DIAPH2: variants seen among roughly 807,000 people sequenced by gnomAD.
DIAPH2 encodes protein diaphanous homolog 2.
In DIAPH2, 35 loss-of-function variants were observed where a neutral mutation model predicts 92.7. The observed-to-expected ratio is 0.38, with a 90% CI of 0.29 to 0.50. The LOEUF (loss-of-function observed/expected upper bound fraction) is 0.50. Ranked by LOEUF, DIAPH2 falls within the 20% of genes least tolerant of loss-of-function variation. The pLI is 0.94. For synonymous variants in DIAPH2, 301 were observed against 280.4 expected, an observed-to-expected ratio of 1.07 and a Z score of -0.73; for missense variants, 701 against 819.5, an observed-to-expected ratio of 0.86 and a Z score of 1.77.
intron 22 of DIAPH2, among the ~76,000 whole-genome samples, chrX:97,193,783 A>G (rs2067675552): frequency 2.7e-5 from 3 of 112,230 alleles, no homozygotes; most frequent in Non-Finnish European, 5.6e-5. Context: ...TCAAGGAACT[A>G]CCTACTCACT....
At chrX:97,543,517 T>G (rs190591817) in intron 26 of DIAPH2, among the ~76,000 whole-genome samples, 13 of 111,082 alleles carry the variant, frequency 1.2e-4, no homozygotes, top group South Asian at 7.7e-4. Flanking sequence ...TTTTTTCTTT[T>G]TTTGAGACAG....
chrX:97,052,349 C>G (rs2066526098), intron 17 of DIAPH2, among the ~76,000 whole-genome samples: 1 of 110,524 alleles, frequency 9.0e-6, no homozygotes. Flanking sequence ...TATTCCCAGG[C>G]AATAGTAGGT....
chrX:97,436,687 C>T (rs1406088725), intron 26 of DIAPH2, among the ~76,000 whole-genome samples: 2 of 111,872 alleles, frequency 1.8e-5, no homozygotes, highest in African/African-American at 6.5e-5. Flanking sequence ...CATACACATT[C>T]AGCACCTCAT....
At chrX:96,751,257 G>T (rs1281479151) in intron 3 of DIAPH2, among the ~76,000 whole-genome samples, 5 of 111,081 alleles carry the variant, frequency 4.5e-5, no homozygotes, top group Non-Finnish European at 9.4e-5. Context: ...ATAAAAAAAT[G>T]GTTTAGTATT....
intron 17 of DIAPH2, among the ~76,000 whole-genome samples, chrX:97,035,320 C>G (rs781599265): frequency 6.0e-4 from 67 of 112,051 alleles, no homozygotes; most frequent in African/African-American, 2.2e-3. Flanking sequence ...AAGAGAAATT[C>G]AGGAGTTATG....
At chrX:97,479,634 G>T (rs1052207397) in intron 26 of DIAPH2, among the ~76,000 whole-genome samples, 6 of 112,022 alleles carry the variant, frequency 5.4e-5, no homozygotes, top group Admixed American at 2.8e-4. Flanking sequence ...GGCCTCAAAG[G>T]CCTCATCTAT....
At chrX:97,471,208 G>A (rs1392581955) in intron 26 of DIAPH2, among the ~76,000 whole-genome samples, 1 of 110,919 alleles carries the variant, frequency 9.0e-6, no homozygotes, top group African/African-American at 3.3e-5. Flanking sequence ...AGGTTCAACA[G>A]GTGCCTTCTA....
At chrX:97,227,524 C>T (rs1254190964) in intron 22 of DIAPH2, among the ~76,000 whole-genome samples, 2 of 111,727 alleles carry the variant, frequency 1.8e-5, no homozygotes, top group African/African-American at 6.5e-5. Flanking sequence ...CCTTCAAGGA[C>T]GTGACAGAAA....
intron 26 of DIAPH2, among the ~76,000 whole-genome samples, chrX:97,434,400 G>A (rs1439884640): frequency 9.4e-6 from 1 of 106,336 alleles, no homozygotes; most frequent in Non-Finnish European, 1.9e-5. Flanking sequence ...AGACATTTGG[G>A]TTACTAAACT....
intron 26 of DIAPH2, among the ~76,000 whole-genome samples, chrX:97,465,507 G>T (rs1002009950): frequency 2.7e-5 from 3 of 111,681 alleles, no homozygotes; most frequent in Non-Finnish European, 5.6e-5. Context: ...AAGTTGTCAA[G>T]AGATGATTTT....
At chrX:97,282,774 A>G (rs2068509594) in intron 23 of DIAPH2, among the ~76,000 whole-genome samples, 1 of 111,940 alleles carries the variant, frequency 8.9e-6, no homozygotes, top group African/African-American at 3.2e-5. Flanking sequence ...AAAATTTCTA[A>G]CATGATAGTG....
chrX:97,434,868 T>C (rs1322403223), intron 26 of DIAPH2, among the ~76,000 whole-genome samples: 1 of 111,754 alleles, frequency 8.9e-6, no homozygotes, highest in African/African-American at 3.3e-5. Context: ...CATGACAAAA[T>C]GAATTCTTGA....
rs2071576878 is a variant in DIAPH2, at chrX:97,599,299, A to C, written c.3288A>C (p.Gly1096=). The change falls in exon 27 of 27, where the codon GGA becomes GGC. Residue 1096 remains glycine, a synonymous_variant. Transcript: ENST00000324765. ...AAAGGTCACGCTCTCGCCACAATGG[A>C]GCTATCTCATCTAAGTGATTCCTGA... is the stretch of plus-strand genomic sequence containing the variant. ...PLERSRSRHN[G]AISSK is the part of the protein sequence containing the mutation. 1 of 1,187,280 alleles carries C rather than the reference A, an allele frequency of 8.4e-7. No homozygotes were observed. The highest frequency in any genetic ancestry group is 1.1e-6 in the Non-Finnish European group (1 of 877,299).
intron 1 of DIAPH2, among the ~76,000 whole-genome samples, chrX:96,713,989 G>C (rs1286967541): frequency 3.6e-5 from 4 of 111,577 alleles, no homozygotes; most frequent in African/African-American, 1.3e-4. Context: ...TAACTCATTT[G>C]GGTAAATGAG....
At chrX:97,296,855 G>A (rs989632404) in intron 23 of DIAPH2, among the ~76,000 whole-genome samples, 1 of 106,494 alleles carries the variant, frequency 9.4e-6, no homozygotes, top group Admixed American at 1.0e-4. Context: ...GCGGCTCACC[G>A]CAACCTCTGC....
At chrX:97,188,305 T>C (rs1042185699) in intron 22 of DIAPH2, among the ~76,000 whole-genome samples, 2 of 111,271 alleles carry the variant, frequency 1.8e-5, no homozygotes, top group Admixed American at 1.9e-4. Flanking sequence ...AAGAATAAGC[T>C]GCTATCAGGC....
intron 19 of DIAPH2, among the ~76,000 whole-genome samples, chrX:97,087,960 T>C (rs2066795586): frequency 9.0e-6 from 1 of 111,438 alleles, no homozygotes; most frequent in Non-Finnish European, 1.9e-5. Flanking sequence ...CCCATGCCCA[T>C]AGGACTAGAC....
intron 4 of DIAPH2, among the ~76,000 whole-genome samples, chrX:96,819,023 A>G (rs888234247): frequency 8.9e-6 from 1 of 112,553 alleles, no homozygotes; most frequent in Non-Finnish European, 1.9e-5. Context: ...TTATGCTCCT[A>G]TGAGAATCTA....
At chrX:97,259,647 CAT>C (rs1360454350) in intron 23 of DIAPH2, among the ~76,000 whole-genome samples, 2 of 111,829 alleles carry the variant, frequency 1.8e-5, no homozygotes, top group African/African-American at 6.5e-5. Flanking sequence ...CACCCAGACT[CAT>C]GTGTCTGATG....
Sources: gnomAD v4.1 joint callset for allele counts (sites outside exome capture counted in the v4.1 genomes callset) on GRCh38, gnomAD v4.1.1 for gene constraint, MANE v1.5 for transcripts, NCBI Gene and HGNC (gene_info 2026-07-23, HGNC 2026-07-21) for gene names.